The following MAK variants were observed in gnomAD, a reference collection of about 807,000 sequenced individuals.
The protein encoded by MAK is male germ cell associated kinase.
Under a neutral mutation model 82.6 loss-of-function variants are expected in MAK, and 65 were observed. The ratio of observed to expected loss-of-function variants is 0.79; its 90% confidence interval spans 0.64 to 0.97. The LOEUF is 0.97. Among genes scored for constraint, MAK ranks in the 50% least tolerant of loss-of-function variants. The pLI, the probability that MAK is intolerant of heterozygous loss-of-function variation, is 0.00. For missense variants in MAK, 703 were observed against 780.2 expected, an observed-to-expected ratio of 0.90 and a Z score of 1.18; for synonymous variants, 250 against 274.2, an observed-to-expected ratio of 0.91 and a Z score of 0.87.
chr6:10,767,602 G>A (rs1045384979), intron 14 of MAK, among the ~76,000 whole-genome samples: 4 of 151,834 alleles, frequency 2.6e-5, no homozygotes, highest in East Asian at 3.9e-4. Context: ...TCAAGAGATC[G>A]AGATCATCCT....
At chr6:10,829,858 A>G (rs1012922062) in intron 2 of MAK, among the ~76,000 whole-genome samples, 1 of 150,374 alleles carries the variant, frequency 6.7e-6, no homozygotes, top group African/African-American at 2.4e-5. Flanking sequence ...TTTTTTTGAG[A>G]TGGAGTCTCC....
chr6:10,818,192 G>C (rs943897104), intron 3 of MAK, among the ~76,000 whole-genome samples: 1 of 152,190 alleles, frequency 6.6e-6, no homozygotes, highest in Non-Finnish European at 1.5e-5. Context: ...ATTTCAATCT[G>C]TTACGTTTTT....
chr6:10,788,295 AC>A (rs1940133288), intron 10 of MAK, among the ~76,000 whole-genome samples: 1 of 152,100 alleles, frequency 6.6e-6, no homozygotes, highest in African/African-American at 2.4e-5. Flanking sequence ...AACAGCCACA[AC>A]CTTGATCTTA....
intron 11 of MAK, among the ~76,000 whole-genome samples, chr6:10,783,242 C>T (rs2127530428): frequency 6.6e-6 from 1 of 152,206 alleles, no homozygotes; most frequent in Admixed American, 6.5e-5. Context: ...TGAATTGAAA[C>T]ATTTCCTTTT....
chr6:10,792,732 T>G (rs517546), intron 9 of MAK, among the ~76,000 whole-genome samples: 128,360 of 152,222 alleles, frequency 0.84, 54,548 homozygotes, highest in African/African-American at 0.96. Context: ...GCAGGGAGAT[T>G]CTTAAAGAAT....
rs368252042 is a variant in MAK, at chr6:10,830,694, T to C, written c.-46A>G. On this transcript the variant is annotated 5_prime_UTR_variant, in exon 2 of 15. Coordinates refer to ENST00000354489, the MANE Select transcript of MAK (RefSeq NM_001242957.3). ...GAAGTTGTTGATTGAAATGACTTCC[T>C]TGTTGAATATAAATTTGAACGCTTC... 3 of 1,403,162 alleles carry C rather than the reference T, an allele frequency of 2.1e-6. No individual in the cohort carries two copies. In the African/African-American group the frequency reaches 4.2e-5, roughly 20 times the overall value. 86.9% of individuals were successfully genotyped at this position (1,403,162 alleles called of 1,614,324 possible).
chr6:10,821,312 G>A (rs947463188), intron 2 of MAK, among the ~76,000 whole-genome samples: 1 of 151,766 alleles, frequency 6.6e-6, no homozygotes, highest in African/African-American at 2.4e-5. Flanking sequence ...GCCTCGCTCT[G>A]TCACCCAGGC....
At chr6:10,773,970 A>AT (rs1344591416) in intron 12 of MAK, among the ~76,000 whole-genome samples, 3 of 152,128 alleles carry the variant, frequency 2.0e-5, no homozygotes, top group African/African-American at 7.2e-5. Flanking sequence ...AAGTGCTGGG[A>AT]TTACAGGAGT....
At chr6:10,814,123 C>T (rs965141122) in intron 4 of MAK, among the ~76,000 whole-genome samples, 1 of 151,980 alleles carries the variant, frequency 6.6e-6, no homozygotes, top group African/African-American at 2.4e-5. Flanking sequence ...GCATGCACCA[C>T]GATGCCTGGC....
chr6:10,784,203 C>T (rs73440138), intron 11 of MAK, among the ~76,000 whole-genome samples: 5 of 152,190 alleles, frequency 3.3e-5, no homozygotes, highest in African/African-American at 9.6e-5. Flanking sequence ...GAAGCATATT[C>T]ATCATCTTGA....
At chr6:10,782,005 A>G (rs1581664115) in intron 11 of MAK, among the ~76,000 whole-genome samples, 1 of 152,214 alleles carries the variant, frequency 6.6e-6, no homozygotes, top group East Asian at 1.9e-4. Flanking sequence ...CAGGAGTTCA[A>G]GACCAACCTG....
chr6:10,794,760 A>G (rs1217631858), intron 9 of MAK, among the ~76,000 whole-genome samples: 1 of 152,178 alleles, frequency 6.6e-6, no homozygotes, highest in East Asian at 1.9e-4. Context: ...TGGGAGGCCA[A>G]GGAGGGTGGA....
At chr6:10,822,900 T>TA (rs1778071038) in intron 2 of MAK, among the ~76,000 whole-genome samples, 2 of 152,152 alleles carry the variant, frequency 1.3e-5, no homozygotes, top group African/African-American at 4.8e-5. Context: ...ATAACTTTTT[T>TA]TAAAAAAAAT....
At chr6:10,782,159 A>G (rs978757342) in intron 11 of MAK, among the ~76,000 whole-genome samples, 3 of 151,386 alleles carry the variant, frequency 2.0e-5, no homozygotes, top group Admixed American at 2.0e-4. Flanking sequence ...GTGAGCCAAG[A>G]TCGTGCCACT....
chr6:10,813,689 T>C lies in MAK; in HGVS notation c.313A>G (p.Ile105Val). The C allele has an allele frequency of 1.9e-6, 3 of 1,606,552 alleles. No individual in the cohort carries two copies. The highest frequency in any genetic ancestry group is 2.6e-6 in the Non-Finnish European group (3 of 1,173,238). Reference protein sequence around the residue: ...KLFPESVIRNIMYQILQGLAF... With the variant: ...KLFPESVIRNVMYQILQGLAF... ...AGCCCTTGCAATATTTGATACATAA[T>C]ATTTCTGATGACTGATTCAGGGAAC... is the stretch of plus-strand genomic sequence containing the variant. Residue 105 changes from isoleucine (I) to valine (V), a missense_variant, in exon 5 of 15, where the codon ATT (isoleucine) becomes GTT (valine). Coordinates refer to ENST00000354489, the MANE Select transcript of MAK (RefSeq NM_001242957.3).
intron 7 of MAK, among the ~76,000 whole-genome samples, chr6:10,802,725 A>G (rs1246144765): frequency 6.6e-6 from 1 of 152,222 alleles, no homozygotes; most frequent in African/African-American, 2.4e-5. Flanking sequence ...CTGACTGTGA[A>G]CAAAGATCCT....
At chr6:10,772,215 T>G (rs1370077343) in intron 13 of MAK, among the ~76,000 whole-genome samples, 2 of 152,204 alleles carry the variant, frequency 1.3e-5, no homozygotes, top group Non-Finnish European at 1.5e-5. Context: ...TTTGGCTTAT[T>G]ATTTGAAGTA....
At chr6:10,788,847 C>A (rs1427800873) in intron 10 of MAK, among the ~76,000 whole-genome samples, 5 of 152,086 alleles carry the variant, frequency 3.3e-5, no homozygotes, top group African/African-American at 1.2e-4. Flanking sequence ...TATGTAACTC[C>A]CTGCACATCT....
In MAK at chr6:10,800,331, G is replaced by T. The variant is rs579631; in HGVS notation, c.831+1561C>A. 0.81 allele frequency among the ~76,000 whole-genome samples: 122,493 copies of T among 152,078 alleles called. 49,301 individuals carry two copies. The highest frequency in any genetic ancestry group is 0.86 in the South Asian group (4,172 of 4,832). On this transcript the variant is annotated intron_variant, in intron 8 of 14. Transcript: ENST00000354489. This position sits in a 1 kb window ranked among gnomAD's most constrained non-coding sequence, Gnocchi z 4.2. The stretch of plus-strand genomic sequence containing the variant: ...TGTTTCTGTAGGAGTATTATATTAA[G>T]AATTAAAAATAATTTTCTCTGTCTT...
Sources: gnomAD v4.1 joint callset for allele counts (sites outside exome capture counted in the v4.1 genomes callset) on GRCh38, gnomAD v4.1.1 for gene constraint, Gnocchi (gnomAD v3.1) non-coding constraint, MANE v1.5 for transcripts, NCBI Gene and HGNC (gene_info 2026-07-23, HGNC 2026-07-21) for gene names.